Variants in GALNT17 observed in about 807,000 individuals in gnomAD.
GALNT17 encodes the protein UDP-GalNAc:polypeptide N-acetylgalactosaminyltransferase-like 3.
In GALNT17, 29 loss-of-function variants were observed where a neutral mutation model predicts 63.7. The observed-to-expected ratio is 0.46, with a 90% CI of 0.34 to 0.62. The LOEUF is 0.62. Among genes scored for constraint, GALNT17 ranks in the 20% least tolerant of loss-of-function variants. GALNT17 has a pLI of 0.01. For missense variants in GALNT17, 603 were observed against 799.6 expected (o/e 0.75, Z 2.97); for synonymous variants, 305 against 318.3 (o/e 0.96, Z 0.45).
At chr7:71,391,517 C>G (rs907258440) in intron 3 of GALNT17, among the ~76,000 whole-genome samples, 1 of 152,154 alleles carries the variant, frequency 6.6e-6, no homozygotes, top group African/African-American at 2.4e-5. Flanking sequence ...GTCTCTCACT[C>G]TGTCGCCCGG....
At chr7:71,380,376 A>G (rs1007578017) in intron 2 of GALNT17, among the ~76,000 whole-genome samples, 23 of 152,044 alleles carry the variant, frequency 1.5e-4, no homozygotes, top group African/African-American at 5.6e-4. Context: ...TGTTCTGTTG[A>G]CCAGGCTGGA....
chr7:71,522,533 C>G lies in GALNT17; in HGVS notation c.963-48752C>G, dbSNP rs141296342. Among the ~76,000 whole-genome samples the G allele has an allele frequency of 2.7e-3, 411 of 152,270 alleles. 11 individuals are homozygous for G. The East Asian group carries it at 0.047, about 17-fold the overall frequency. On this transcript the variant is annotated intron_variant, in intron 5 of 10. Transcript: ENST00000333538. ...AACAGGTTTCCCCTTATCAAACCAT[C>G]AGATCTTGTGAGACTTATTCACTAC... is the stretch of plus-strand genomic sequence containing the variant.
chr7:71,621,501 AGATG>A (rs71816496), intron 6 of GALNT17, among the ~76,000 whole-genome samples: 1,639 of 42,452 alleles, frequency 0.039, 20 homozygotes, highest in Non-Finnish European at 0.087. Flanking sequence ...ATTGATGGAT[AGATG>A]GATGGATGGA....
intron 1 of GALNT17, among the ~76,000 whole-genome samples, chr7:71,199,697 CCATCCATCCAT>C (rs1789130254): frequency 1.4e-5 from 2 of 141,594 alleles, no homozygotes; most frequent in African/African-American, 5.2e-5. Flanking sequence ...ATCCATCCAT[CCATCCATCCAT>C]CCATGTATGT....
chr7:71,592,527 A>AAAGTAAAATAAAATAAAATAAAATAAAAT (rs1789819408), intron 6 of GALNT17, among the ~76,000 whole-genome samples: 1 of 94,626 alleles, frequency 1.1e-5, no homozygotes, highest in Non-Finnish European at 2.0e-5. Context: ...AAAATAAAAT[A>AAAGTAAAATAAAATAAAATAAAATAAAAT]AAATAAAATA....
chr7:71,677,310 G>T lies in GALNT17; in HGVS notation c.1500+4G>T. 3.7e-6 allele frequency: 6 copies of T among 1,613,262 alleles called. No individual in the cohort carries two copies. Among genetic ancestry groups the T allele is most frequent in the Non-Finnish European group, 5.1e-6 (6 of 1,179,540 alleles). On this transcript the variant is annotated splice_donor_region_variant and intron_variant, in intron 9 of 10. Transcript: ENST00000333538. ...GTGCCATGGCTGGGGACCACAGGTA[G>T]GAGCTCGTCTCTGACCAGGAAGGAA...
At chr7:71,571,887 T>C (rs1490897843) in intron 6 of GALNT17, among the ~76,000 whole-genome samples, 2 of 151,830 alleles carry the variant, frequency 1.3e-5, no homozygotes, top group African/African-American at 4.8e-5. Flanking sequence ...ATGGTGCATG[T>C]CTGTGTCCCA....
At chr7:71,370,935 G>A (rs772893187) in intron 2 of GALNT17, among the ~76,000 whole-genome samples, 6 of 152,168 alleles carry the variant, frequency 3.9e-5, no homozygotes, top group African/African-American at 9.7e-5. Flanking sequence ...CAAGCATATC[G>A]TGGGATTGCT....
chr7:71,710,649 T>C (rs2115567629), intron 9 of GALNT17, 112 bp from the exon 10 acceptor site: 1 of 1,234,476 alleles, frequency 8.1e-7, no homozygotes, highest in East Asian at 2.3e-5. Context: ...TGGCCAGGAC[T>C]GCAGTATTGA....
At chr7:71,243,438 C>T (rs1790037516) in intron 1 of GALNT17, among the ~76,000 whole-genome samples, 1 of 152,142 alleles carries the variant, frequency 6.6e-6, no homozygotes, top group Non-Finnish European at 1.5e-5. Context: ...TCATTCTTGT[C>T]TAATATAATT....
intron 5 of GALNT17, among the ~76,000 whole-genome samples, chr7:71,554,330 C>T (rs1037975404): frequency 6.6e-6 from 1 of 152,312 alleles, no homozygotes; most frequent in Non-Finnish European, 1.5e-5. Context: ...TCCCTGCACA[C>T]TCTCTGTTGC....
intron 6 of GALNT17, among the ~76,000 whole-genome samples, chr7:71,662,183 T>C (rs1790917104): frequency 6.6e-6 from 1 of 152,128 alleles, no homozygotes; most frequent in Non-Finnish European, 1.5e-5. Context: ...TTCAGGCTTT[T>C]GCTAAGGTCT....
chr7:71,158,881 G>C (rs1375790285), intron 1 of GALNT17, among the ~76,000 whole-genome samples: 2 of 151,758 alleles, frequency 1.3e-5, no homozygotes, highest in East Asian at 3.9e-4. Context: ...GGCAATTTTT[G>C]TATTTTTAGT....
intron 1 of GALNT17, among the ~76,000 whole-genome samples, chr7:71,146,766 C>T (rs1788031377): frequency 6.6e-6 from 1 of 152,194 alleles, no homozygotes; most frequent in African/African-American, 2.4e-5. Context: ...GAAGTTTTCC[C>T]TTTTAATCAT....
chr7:71,529,442 AC>A (rs1211443518), intron 5 of GALNT17, among the ~76,000 whole-genome samples: 1 of 152,254 alleles, frequency 6.6e-6, no homozygotes, highest in African/African-American at 2.4e-5. Flanking sequence ...GAAGAGACTT[AC>A]AGTCAAATCA....
At chr7:71,427,167 C>T (rs187101360) in intron 5 of GALNT17, among the ~76,000 whole-genome samples, 2,433 of 150,900 alleles carry the variant, frequency 0.016, 24 homozygotes, top group African/African-American at 0.027. Context: ...GCAACCTCCA[C>T]CTCCCAGGTT....
intron 5 of GALNT17, among the ~76,000 whole-genome samples, chr7:71,501,552 A>C (rs531109396): frequency 1.3e-5 from 2 of 152,148 alleles, no homozygotes; most frequent in Non-Finnish European, 2.9e-5. Flanking sequence ...AGAGGTGTGC[A>C]CCATCATGGC....
chr7:71,302,931 CT>C (rs1791227152), intron 1 of GALNT17, among the ~76,000 whole-genome samples: 1 of 151,888 alleles, frequency 6.6e-6, no homozygotes, highest in East Asian at 1.9e-4. Context: ...TTGGCTCAAT[CT>C]TGACTCACTG....
At chr7:71,480,314 C>A (rs1050586093) in intron 5 of GALNT17, among the ~76,000 whole-genome samples, 1 of 147,230 alleles carries the variant, frequency 6.8e-6, no homozygotes, top group African/African-American at 2.5e-5. Context: ...TATAGGTGTG[C>A]CCCACCACAC....
Sources: gnomAD v4.1 joint callset for allele counts (sites outside exome capture counted in the v4.1 genomes callset) on GRCh38, gnomAD v4.1.1 for gene constraint, MANE v1.5 for transcripts, NCBI Gene and HGNC (gene_info 2026-07-23, HGNC 2026-07-21) for gene names.